The following KCNB2 variants were observed in gnomAD, a reference collection of about 807,000 sequenced individuals.
KCNB2 encodes the protein potassium voltage-gated channel subfamily B member 2, also known as delayed rectifier potassium channel protein.
In KCNB2, 15 loss-of-function variants were observed where a neutral mutation model predicts 61.5. The observed-to-expected ratio is 0.24, with a 90% CI of 0.16 to 0.38. KCNB2 has a LOEUF of 0.38. Among genes scored for constraint, KCNB2 ranks in the 10% least tolerant of loss-of-function variants. The pLI is 1.00. For missense variants in KCNB2, 828 were observed against 1,125.2 expected, an observed-to-expected ratio of 0.74 and a Z score of 3.78; for synonymous variants, 457 against 446.0, an observed-to-expected ratio of 1.02 and a Z score of -0.31.
intron 2 of KCNB2, among the ~76,000 whole-genome samples, chr8:72,650,727 G>A (rs947870860): frequency 6.6e-6 from 1 of 152,098 alleles, no homozygotes; most frequent in Admixed American, 6.6e-5. Context: ...GATTTATAAG[G>A]TATAGGTGTG....
intron 2 of KCNB2, among the ~76,000 whole-genome samples, chr8:72,860,751 A>C (rs1810286702): frequency 1.3e-5 from 2 of 152,198 alleles, no homozygotes; most frequent in South Asian, 4.1e-4. Context: ...TCCTTTTTTC[A>C]AACTATATTT....
At position 72,664,702 on chromosome 8, in the gene KCNB2, A is replaced by G. The variant is rs943356436; in HGVS notation, c.579+96389A>G. Among the ~76,000 whole-genome samples, 5 of 152,226 alleles carry G rather than the reference A, an allele frequency of 3.3e-5. No individual in the cohort carries two copies. In the East Asian group the frequency reaches 9.6e-4, roughly 29 times the overall value. On this transcript the variant is annotated intron_variant, in intron 2 of 2. Transcript: ENST00000523207. The stretch of plus-strand genomic sequence containing the variant: ...GTAGTCTAGATACTAGGGATGTAGC[A>G]GTAAGCAAAACAAAAATCCCTACCC...
chr8:72,807,335 G>A (rs2129000211), intron 2 of KCNB2, among the ~76,000 whole-genome samples: 1 of 152,268 alleles, frequency 6.6e-6, no homozygotes, highest in East Asian at 1.9e-4. Context: ...TGTTTTCTGG[G>A]ATACAAGGTT....
chr8:72,607,923 A>C (rs113311913), intron 2 of KCNB2, among the ~76,000 whole-genome samples: 17 of 152,318 alleles, frequency 1.1e-4, no homozygotes, highest in African/African-American at 4.1e-4. Flanking sequence ...AAATACAGAA[A>C]TTCATCCACT....
chr8:72,703,721 C>T (rs557926034), intron 2 of KCNB2, among the ~76,000 whole-genome samples: 13 of 152,206 alleles, frequency 8.5e-5, no homozygotes, highest in African/African-American at 3.1e-4. Flanking sequence ...TACTCCCCCA[C>T]ACAAAAAAAT....
intron 2 of KCNB2, among the ~76,000 whole-genome samples, chr8:72,826,103 TC>T (rs1401123762): frequency 1.3e-5 from 2 of 152,224 alleles, no homozygotes; most frequent in African/African-American, 2.4e-5. Context: ...CTTTTTAAGG[TC>T]TTAATCTGCT....
chr8:72,801,385 C>G (rs1159755323), intron 2 of KCNB2, among the ~76,000 whole-genome samples: 1 of 152,096 alleles, frequency 6.6e-6, no homozygotes, highest in East Asian at 1.9e-4. Flanking sequence ...TTGTGGTGAG[C>G]CCCCTTGGGA....
intron 2 of KCNB2, among the ~76,000 whole-genome samples, chr8:72,816,441 T>C (rs1035002709): frequency 2.6e-5 from 4 of 152,216 alleles, no homozygotes; most frequent in Non-Finnish European, 5.9e-5. Flanking sequence ...AAAATATGTT[T>C]TGCCTGATTT....
intron 2 of KCNB2, among the ~76,000 whole-genome samples, chr8:72,763,044 T>TA (rs36134958): frequency 0.21 from 28,223 of 137,302 alleles, 3,003 homozygotes; most frequent in South Asian, 0.38. Context: ...CTTTGCAAAG[T>TA]AAAAAAAAAA....
chr8:72,662,150 A>G (rs1436775960), intron 2 of KCNB2, among the ~76,000 whole-genome samples: 2 of 152,174 alleles, frequency 1.3e-5, no homozygotes, highest in Admixed American at 1.3e-4. Context: ...CTCCCATAGC[A>G]ATCCATGGGC....
chr8:72,720,177 C>A (rs1457140075), intron 2 of KCNB2, among the ~76,000 whole-genome samples: 2 of 152,116 alleles, frequency 1.3e-5, no homozygotes, highest in African/African-American at 4.8e-5. Flanking sequence ...ATGACTAAGT[C>A]CCGATCTCTC....
intron 2 of KCNB2, among the ~76,000 whole-genome samples, chr8:72,861,413 G>A (rs1805405105): frequency 1.3e-5 from 2 of 152,162 alleles, no homozygotes; most frequent in African/African-American, 4.8e-5. Flanking sequence ...TCTTTCAGAG[G>A]TAATTACAGC....
chr8:72,913,582 T>C (rs1806338759), intron 2 of KCNB2, among the ~76,000 whole-genome samples: 1 of 152,112 alleles, frequency 6.6e-6, no homozygotes, highest in Non-Finnish European at 1.5e-5. Flanking sequence ...CAATCCACAG[T>C]GTCTGTTGAT....
At chr8:72,771,329 C>T (rs920682728) in intron 2 of KCNB2, among the ~76,000 whole-genome samples, 5 of 152,136 alleles carry the variant, frequency 3.3e-5, no homozygotes, top group Non-Finnish European at 1.5e-5. Context: ...ATTTAATTTG[C>T]CTGCCTGCAG....
intron 2 of KCNB2, among the ~76,000 whole-genome samples, chr8:72,623,286 AC>A (rs1221212595): frequency 1.3e-5 from 2 of 152,136 alleles, no homozygotes; most frequent in Non-Finnish European, 2.9e-5. Flanking sequence ...ATTTAGGGGC[AC>A]TTCTTGCTAT....
intron 2 of KCNB2, among the ~76,000 whole-genome samples, chr8:72,633,850 A>C (rs1014563829): frequency 6.6e-6 from 1 of 152,130 alleles, no homozygotes; most frequent in Admixed American, 6.6e-5. Flanking sequence ...TGTGATATAA[A>C]CGTACCCTGC....
intron 2 of KCNB2, among the ~76,000 whole-genome samples, chr8:72,731,726 T>C (rs1807740825): frequency 6.6e-6 from 1 of 152,160 alleles, no homozygotes. Context: ...CAATGAGAAA[T>C]GAAGAGGAGA....
chr8:72,869,691 C>A (rs1032317370), intron 2 of KCNB2, among the ~76,000 whole-genome samples: 4 of 152,100 alleles, frequency 2.6e-5, no homozygotes, highest in African/African-American at 9.7e-5. Flanking sequence ...ATCAAAAAGA[C>A]AAGTGTTGGC....
chr8:72,683,293 A>G (rs1169184088), intron 2 of KCNB2, among the ~76,000 whole-genome samples: 1 of 152,186 alleles, frequency 6.6e-6, no homozygotes, highest in Non-Finnish European at 1.5e-5. Flanking sequence ...TTGATTATTC[A>G]TGCATGTAAG....
Sources: gnomAD v4.1 joint callset for allele counts (sites outside exome capture counted in the v4.1 genomes callset) on GRCh38, gnomAD v4.1.1 for gene constraint, MANE v1.5 for transcripts, NCBI Gene and HGNC (gene_info 2026-07-23, HGNC 2026-07-21) for gene names.